The following TENM2 variants were observed in gnomAD, a reference collection of about 807,000 sequenced individuals.
The protein encoded by TENM2 is teneurin-2.
Under a neutral mutation model 245.2 loss-of-function variants are expected in TENM2, and 52 were observed. The observed-to-expected ratio is 0.21, with a 90% confidence interval of 0.17 to 0.27. The LOEUF (loss-of-function observed/expected upper bound fraction) is 0.27. TENM2 is among the 10% of genes least tolerant of loss of function. The pLI, the probability that TENM2 is intolerant of heterozygous loss-of-function variation, is 1.00. For missense variants in TENM2, 3,046 were observed against 3,666.8 expected, an observed-to-expected ratio of 0.83 and a Z score of 4.37; for synonymous variants, 1,363 against 1,438.9, an observed-to-expected ratio of 0.95 and a Z score of 1.19.
exon 7 of TENM2, chr5:168,062,090 A>G: frequency 6.2e-7 from 1 of 1,612,330 alleles, no homozygotes; most frequent in Non-Finnish European, 8.5e-7. Flanking sequence ...AGCAGCATAG[A>G]CAGTGGTGAA....
At position 167,375,512 on chromosome 5, in the gene TENM2, A is replaced by G. The variant is rs376099294; in HGVS notation, c.502+39A>G. 8.8e-5 allele frequency: 135 copies of G among 1,532,972 alleles called. 1 individual carries two copies. In the East Asian group the frequency reaches 2.3e-3, roughly 26 times the overall value. The allele number at this position is 1,532,972 out of a possible 1,614,324, so 95.0% of individuals were successfully genotyped here. On this transcript the variant is annotated intron_variant, in intron 2 of 28. Coordinates refer to ENST00000518659, the Ensembl canonical transcript of TENM2. ...TTAAATACCTTTTAACGTTCTGTGCACTGCACCACGTGGGGCTTTGAATGT... is the reference window on the plus strand; with the variant it reads ...TTAAATACCTTTTAACGTTCTGTGCGCTGCACCACGTGGGGCTTTGAATGT...
the TENM2 span, among the ~76,000 whole-genome samples, chr5:167,215,882 C>CT: frequency 6.6e-6 from 1 of 152,134 alleles, no homozygotes; most frequent in African/African-American, 2.4e-5. Context: ...GTTGATTGAT[C>CT]TTTTTTTTAA....
the TENM2 span, among the ~76,000 whole-genome samples, chr5:167,101,859 A>ATATT: frequency 8.0e-6 from 1 of 124,956 alleles, no homozygotes; most frequent in African/African-American, 2.9e-5. Flanking sequence ...TTATATATAT[A>ATATT]TATATATATA....
At chr5:168,034,133 AT>A (rs974465107) in intron 5 of TENM2, among the ~76,000 whole-genome samples, 1 of 103,674 alleles carries the variant, frequency 9.6e-6, no homozygotes, top group African/African-American at 3.4e-5. Flanking sequence ...ATATATATAT[AT>A]GTATACATAT....
chr5:167,181,446 TTTC>T, the TENM2 span, among the ~76,000 whole-genome samples: 37 of 148,720 alleles, frequency 2.5e-4, no homozygotes, highest in Non-Finnish European at 4.1e-4. Flanking sequence ...TGTTTTTTTT[TTTC>T]CTAGGGAGCC....
At chr5:167,577,774 C>T (rs1774807065) in intron 2 of TENM2, among the ~76,000 whole-genome samples, 1 of 151,926 alleles carries the variant, frequency 6.6e-6, no homozygotes, top group Admixed American at 6.6e-5. Flanking sequence ...CTAAGTGTGC[C>T]GAATTGCACC....
chr5:167,101,630 G>C, the TENM2 span, among the ~76,000 whole-genome samples: 1 of 151,404 alleles, frequency 6.6e-6, no homozygotes, highest in African/African-American at 2.4e-5. Context: ...GGCCAGGTCA[G>C]AACAAGTCCA....
chr5:167,895,433 C>T (rs562044633), intron 3 of TENM2, among the ~76,000 whole-genome samples: 1 of 152,348 alleles, frequency 6.6e-6, no homozygotes, highest in South Asian at 2.1e-4. Context: ...AAATGAGCCT[C>T]ACAGAGTTTA....
intron 14 of TENM2, chr5:168,190,791 G>T: frequency 2.7e-6 from 1 of 376,208 alleles, no homozygotes. Flanking sequence ...GGAGACACCT[G>T]TTGATTCCCT....
chr5:167,028,266 T>C, the TENM2 span, among the ~76,000 whole-genome samples: 1 of 152,108 alleles, frequency 6.6e-6, no homozygotes, highest in Non-Finnish European at 1.5e-5. Context: ...ATTTAAGTTG[T>C]TTGTAATTTT....
chr5:168,052,386 G>A (rs1484738412), intron 6 of TENM2, among the ~76,000 whole-genome samples: 1 of 151,726 alleles, frequency 6.6e-6, no homozygotes, highest in East Asian at 1.9e-4. Context: ...GCGAGACTCT[G>A]TGTCCATATA....
chr5:167,532,706 C>A lies in TENM2; in HGVS notation c.502+157233C>A, dbSNP rs549107483. Among the ~76,000 whole-genome samples, 4 of 139,712 alleles carry A rather than the reference C, an allele frequency of 2.9e-5. No homozygotes were observed. The East Asian group carries it at 8.6e-4, about 30-fold the overall frequency. 91.7% of individuals were successfully genotyped at this position (139,712 alleles called of 152,430 possible). On this transcript the variant is annotated intron_variant, in intron 2 of 28. Transcript: ENST00000518659. ...CTCCTATATGTGTATATATACATAT[C>A]TATATATGTATATATACACACACAT...
At chr5:168,075,560 A>G (rs999533958) in intron 7 of TENM2, among the ~76,000 whole-genome samples, 18 of 152,264 alleles carry the variant, frequency 1.2e-4, no homozygotes, top group African/African-American at 4.3e-4. Flanking sequence ...GCAACCACTG[A>G]TCTGCTTTCT....
At chr5:168,131,116 A>T (rs1261722131) in intron 12 of TENM2, among the ~76,000 whole-genome samples, 1 of 152,176 alleles carries the variant, frequency 6.6e-6, no homozygotes, top group Non-Finnish European at 1.5e-5. Context: ...TTGCCGGGGA[A>T]TCAAGGAGGG....
intron 2 of TENM2, among the ~76,000 whole-genome samples, chr5:167,747,317 G>T (rs181125380): frequency 2.0e-5 from 3 of 152,214 alleles, no homozygotes; most frequent in South Asian, 2.1e-4. Context: ...CCTTCCTTCT[G>T]GGTCTTCTTA....
At chr5:167,530,938 A>C (rs1296835820) in intron 2 of TENM2, among the ~76,000 whole-genome samples, 1 of 152,228 alleles carries the variant, frequency 6.6e-6, no homozygotes, top group African/African-American at 2.4e-5. Flanking sequence ...AGGAGGCTGA[A>C]GAGGGTACAG....
chr5:167,504,527 C>T (rs956041249), intron 2 of TENM2, among the ~76,000 whole-genome samples: 2 of 152,102 alleles, frequency 1.3e-5, no homozygotes, highest in Non-Finnish European at 2.9e-5. Flanking sequence ...GTTTCTAAGA[C>T]TAGAGCTTGA....
chr5:167,738,005 A>G (rs891300537), intron 2 of TENM2, among the ~76,000 whole-genome samples: 34 of 152,182 alleles, frequency 2.2e-4, no homozygotes, highest in African/African-American at 7.7e-4. Context: ...TGTGTTGTTA[A>G]TCAACCCTTC....
intron 2 of TENM2, among the ~76,000 whole-genome samples, chr5:167,782,573 C>G (rs1044980082): frequency 1.3e-5 from 2 of 152,098 alleles, no homozygotes; most frequent in Non-Finnish European, 2.9e-5. Context: ...TTGCGTCACA[C>G]TGTCCTTCAA....
Sources: allele counts gnomAD v4.1 joint callset (sites outside exome capture counted in the v4.1 genomes callset), GRCh38; gene constraint gnomAD v4.1.1; transcripts MANE v1.5; gene names NCBI Gene and HGNC (gene_info 2026-07-23, HGNC 2026-07-21).